The following IGSF21 variants were observed in gnomAD, a reference collection of about 807,000 sequenced individuals.
The protein encoded by IGSF21 is immunoglobin superfamily member 21.
IGSF21 carries 28 observed loss-of-function variants against 46.8 expected under a neutral mutation model. The observed-to-expected ratio is 0.60, with a 90% CI of 0.44 to 0.82. The LOEUF is 0.82. Among genes scored for constraint, IGSF21 ranks in the 40% least tolerant of loss-of-function variants. The pLI is 0.00. For missense variants in IGSF21, 624 were observed against 665.5 expected (o/e 0.94, Z 0.69); for synonymous variants, 284 against 273.6 (o/e 1.04, Z -0.38).
chr1:18,323,372 C>T (rs1569810617), intron 3 of IGSF21, among the ~76,000 whole-genome samples: 2 of 152,140 alleles, frequency 1.3e-5, no homozygotes, highest in East Asian at 3.9e-4. Flanking sequence ...GTCACACAGT[C>T]CTGGGAGGTA....
chr1:18,360,962 T>G lies in IGSF21; in HGVS notation c.425-1153T>G, dbSNP rs551663636. On this transcript the variant is annotated intron_variant, in intron 4 of 9. Transcript: ENST00000251296. ...TGCCTGATGGCCCAGTCCCTGCCCC[T>G]TGCGATGCCCCACGGTGTCTGGGAG... Among the ~76,000 whole-genome samples, 3 of 142,720 alleles carry G rather than the reference T, an allele frequency of 2.1e-5. No individual in the cohort carries two copies. The East Asian group carries it at 6.0e-4, about 29-fold the overall frequency. 93.6% of individuals were successfully genotyped at this position (142,720 alleles called of 152,430 possible).
Position 18,290,846 on chromosome 1 carries a change from C to T in IGSF21, c.184-1020C>T, listed in dbSNP as rs978252191. ...AGCCAGCCCCCTCCCTGCCCCTTTC[C>T]CCGCTGCCTCCACCACACAGAGCCG... On this transcript the variant is annotated intron_variant, in intron 2 of 9. Transcript: ENST00000251296. This position sits in a 1 kb window ranked among gnomAD's most constrained non-coding sequence, Gnocchi z 4.2. Among the ~76,000 whole-genome samples, 5 of 152,082 alleles carry T rather than the reference C, an allele frequency of 3.3e-5. No homozygotes were observed. Among genetic ancestry groups the T allele is most frequent in the Admixed American group, 1.3e-4 (2 of 15,270 alleles).
chr1:18,310,837 C>CA (rs1167024495), intron 3 of IGSF21, among the ~76,000 whole-genome samples: 1 of 152,150 alleles, frequency 6.6e-6, no homozygotes, highest in Non-Finnish European at 1.5e-5. Context: ...TGGTTGCCAG[C>CA]AGTCCTTGGC....
chr1:18,314,153 G>A (rs553517573), intron 3 of IGSF21, among the ~76,000 whole-genome samples: 23 of 152,264 alleles, frequency 1.5e-4, no homozygotes, highest in African/African-American at 5.3e-4. Flanking sequence ...TCAGCTCACC[G>A]TGTCCCTAAT....
intron 2 of IGSF21, among the ~76,000 whole-genome samples, chr1:18,237,565 C>T (rs1557601132): frequency 2.6e-5 from 4 of 152,156 alleles, no homozygotes; most frequent in South Asian, 2.1e-4. Flanking sequence ...TTCTCTTTTC[C>T]GCCTGGGCAA....
At chr1:18,139,183 T>C (rs1310067790) in intron 1 of IGSF21, among the ~76,000 whole-genome samples, 1 of 152,234 alleles carries the variant, frequency 6.6e-6, no homozygotes, top group African/African-American at 2.4e-5. Context: ...AAATGCACTC[T>C]AATGTTTAAA....
intron 3 of IGSF21, among the ~76,000 whole-genome samples, chr1:18,326,215 A>G (rs976409020): frequency 6.6e-6 from 1 of 152,250 alleles, no homozygotes; most frequent in Non-Finnish European, 1.5e-5. Flanking sequence ...ATCACAGGGC[A>G]TGACCCTGAA....
At chr1:18,121,442 T>G (rs2086232680) in intron 1 of IGSF21, among the ~76,000 whole-genome samples, 1 of 151,994 alleles carries the variant, frequency 6.6e-6, no homozygotes, top group African/African-American at 2.4e-5. Context: ...GCCCCTTTTC[T>G]CATCTACCTG....
At chr1:18,242,883 TG>T (rs200142165) in intron 2 of IGSF21, among the ~76,000 whole-genome samples, 1 of 152,176 alleles carries the variant, frequency 6.6e-6, no homozygotes, top group Non-Finnish European at 1.5e-5. Context: ...CACACTCTGC[TG>T]GGGGGGACAG....
intron 3 of IGSF21, among the ~76,000 whole-genome samples, chr1:18,292,934 C>A (rs951198058): frequency 6.6e-6 from 1 of 152,222 alleles, no homozygotes; most frequent in African/African-American, 2.4e-5. Context: ...GCCAGGTGCC[C>A]AGCCTGAAAG....
At chr1:18,160,488 C>G (rs1430722912) in intron 1 of IGSF21, among the ~76,000 whole-genome samples, 1 of 152,060 alleles carries the variant, frequency 6.6e-6, no homozygotes, top group Non-Finnish European at 1.5e-5. Flanking sequence ...GTGACAAGCC[C>G]AGGTGTCTGA....
At chr1:18,321,303 A>C (rs2085598595) in intron 3 of IGSF21, among the ~76,000 whole-genome samples, 1 of 151,776 alleles carries the variant, frequency 6.6e-6, no homozygotes, top group Non-Finnish European at 1.5e-5. Context: ...GCCTCCACTC[A>C]CTCTGCCTGC....
intron 6 of IGSF21, chr1:18,375,960 C>T (rs1443538067): frequency 8.7e-6 from 2 of 228,884 alleles, no homozygotes; most frequent in East Asian, 1.8e-4. Flanking sequence ...TCCCTGACCC[C>T]ACTGTCCACT....
chr1:18,122,193 C>CTTTTTTTTTTTTTTTTTT (rs766563472), intron 1 of IGSF21, among the ~76,000 whole-genome samples: 18 of 78,740 alleles, frequency 2.3e-4, no homozygotes, highest in Non-Finnish European at 3.6e-4. Context: ...TTCTTTCTTT[C>CTTTTTTTTTTTTTTTTTT]TTTTTTTTTT....
At chr1:18,292,223 C>G (rs2085274615) in intron 3 of IGSF21, among the ~76,000 whole-genome samples, 1 of 152,232 alleles carries the variant, frequency 6.6e-6, no homozygotes, top group African/African-American at 2.4e-5. Context: ...CCTCTGCCAG[C>G]TCCTCCAACA....
intron 4 of IGSF21, among the ~76,000 whole-genome samples, chr1:18,347,509 A>G (rs553433542): frequency 6.6e-6 from 1 of 152,304 alleles, no homozygotes; most frequent in African/African-American, 2.4e-5. Context: ...GGGCCTCCCA[A>G]CAGTCCTGGA....
chr1:18,145,579 A>C (rs995835464), intron 1 of IGSF21, among the ~76,000 whole-genome samples: 2 of 152,244 alleles, frequency 1.3e-5, no homozygotes, highest in Admixed American at 1.3e-4. Context: ...CTTTCCACCG[A>C]GGACACGAAG....
chr1:18,299,628 C>T (rs966248766), intron 3 of IGSF21, among the ~76,000 whole-genome samples: 2 of 152,196 alleles, frequency 1.3e-5, no homozygotes, highest in South Asian at 2.1e-4. Flanking sequence ...TCAGCAACAA[C>T]AAACACAGGC....
At chr1:18,345,645 A>C (rs1000585279) in intron 4 of IGSF21, among the ~76,000 whole-genome samples, 1 of 152,128 alleles carries the variant, frequency 6.6e-6, no homozygotes, top group Admixed American at 6.5e-5. Context: ...CGGCCTCCCA[A>C]GTTGCTAGGA....
Sources: allele counts gnomAD v4.1 joint callset (sites outside exome capture counted in the v4.1 genomes callset), GRCh38; gene constraint gnomAD v4.1.1; non-coding constraint Gnocchi (gnomAD v3.1); transcripts MANE v1.5; gene names NCBI Gene and HGNC (gene_info 2026-07-23, HGNC 2026-07-21).